The following PKHD1 variants were observed in gnomAD, a reference collection of about 807,000 sequenced individuals.
PKHD1 encodes the protein PKHD1 ciliary IPT domain containing fibrocystin/polyductin, also known as fibrocystin.
In PKHD1, 291 loss-of-function variants were observed where a neutral mutation model predicts 412.0. The observed-to-expected ratio is 0.71, with a 90% CI of 0.64 to 0.78. PKHD1 has a LOEUF of 0.78. Ranked by LOEUF, PKHD1 falls within the 30% of genes least tolerant of loss-of-function variation. The pLI is 0.00. For synonymous variants in PKHD1, 1,777 were observed against 1,821.5 expected (o/e 0.98, Z 0.62); for missense variants, 4,825 against 4,950.7 (o/e 0.97, Z 0.76).
At chr6:51,806,170 A>G (rs916301233) in intron 52 of PKHD1, among the ~76,000 whole-genome samples, 5 of 152,068 alleles carry the variant, frequency 3.3e-5, no homozygotes, top group African/African-American at 1.2e-4. Context: ...ACATGTATAC[A>G]TATGTAACTA....
chr6:51,988,347 C>T (rs886729019), intron 35 of PKHD1, among the ~76,000 whole-genome samples: 2 of 152,122 alleles, frequency 1.3e-5, no homozygotes, highest in African/African-American at 4.8e-5. Context: ...TATAATATCT[C>T]AAACATAATA....
intron 55 of PKHD1, among the ~76,000 whole-genome samples, chr6:51,758,957 T>C (rs754426052): frequency 8.5e-5 from 13 of 152,234 alleles, no homozygotes; most frequent in Non-Finnish European, 1.6e-4. Context: ...ATCTTAATGA[T>C]AATAACTGCA....
intron 36 of PKHD1, among the ~76,000 whole-genome samples, chr6:51,957,953 G>A (rs1791395998): frequency 6.6e-6 from 1 of 152,004 alleles, no homozygotes; most frequent in African/African-American, 2.4e-5. Flanking sequence ...AATATTACAT[G>A]TTACTGCCAG....
At chr6:51,653,103 C>T (rs1230338931) in intron 61 of PKHD1, among the ~76,000 whole-genome samples, 1 of 152,008 alleles carries the variant, frequency 6.6e-6, no homozygotes, top group Non-Finnish European at 1.5e-5. Context: ...TATATGTTAA[C>T]CCTTCTACTA....
At chr6:51,870,393 C>T in intron 47 of PKHD1, 111 bp downstream of exon 47, 1 of 952,886 alleles carries the variant, frequency 1.0e-6, no homozygotes, top group Non-Finnish European at 1.7e-6. Flanking sequence ...TCTACTGATG[C>T]AATCTTATAA....
At chr6:51,898,953 G>A (rs2127599608) in intron 43 of PKHD1, among the ~76,000 whole-genome samples, 1 of 152,206 alleles carries the variant, frequency 6.6e-6, no homozygotes, top group South Asian at 2.1e-4. Flanking sequence ...ACACTCTCCA[G>A]AGACTAAACC....
chr6:51,762,742 G>A (rs1788249660), intron 55 of PKHD1, among the ~76,000 whole-genome samples: 1 of 151,420 alleles, frequency 6.6e-6, no homozygotes, highest in African/African-American at 2.4e-5. Flanking sequence ...CAATATATTA[G>A]AAAGACAAAG....
chr6:51,806,981 C>A (rs966934029), intron 52 of PKHD1, among the ~76,000 whole-genome samples: 1 of 152,156 alleles, frequency 6.6e-6, no homozygotes, highest in Non-Finnish European at 1.5e-5. Flanking sequence ...TAAAGAGGAG[C>A]CTGAGGATAC....
intron 60 of PKHD1, among the ~76,000 whole-genome samples, chr6:51,712,614 G>A (rs1360430119): frequency 6.6e-6 from 1 of 152,108 alleles, no homozygotes; most frequent in African/African-American, 2.4e-5. Context: ...CAAAACATTT[G>A]TAATTAATGC....
intron 36 of PKHD1, among the ~76,000 whole-genome samples, chr6:51,948,211 C>T (rs1204164860): frequency 6.6e-6 from 1 of 152,192 alleles, no homozygotes; most frequent in Non-Finnish European, 1.5e-5. Flanking sequence ...ATTCTCAAAA[C>T]AACACTCAGT....
At chr6:51,870,417 T>C (rs1185192274) in intron 47 of PKHD1, 87 bp downstream of exon 47, 1 of 1,093,360 alleles carries the variant, frequency 9.1e-7, no homozygotes, top group African/African-American at 1.5e-5. Flanking sequence ...AAAGAGATAA[T>C]GATTCACAAA....
chr6:51,718,541 A>G (rs957059386), intron 60 of PKHD1, among the ~76,000 whole-genome samples: 5 of 152,194 alleles, frequency 3.3e-5, no homozygotes, highest in African/African-American at 1.2e-4. Context: ...TTTTCATTGT[A>G]TCTACTTCAA....
chr6:51,657,180 T>C (rs1330971666), intron 61 of PKHD1, among the ~76,000 whole-genome samples: 1 of 151,096 alleles, frequency 6.6e-6, no homozygotes, highest in African/African-American at 2.4e-5. Flanking sequence ...TTAAGGTCAG[T>C]TCATGGGCTC....
At chr6:52,076,252 C>T (rs1389891622) in intron 6 of PKHD1, 24 bp downstream of exon 6, 3 of 1,536,820 alleles carry the variant, frequency 2.0e-6, no homozygotes, top group Non-Finnish European at 2.7e-6. Flanking sequence ...ACAATTATTC[C>T]TATTTTAATA....
chr6:52,045,103 T>C lies in PKHD1; in HGVS notation c.2593-15A>G. 6.2e-7 allele frequency: 1 copy of C among 1,612,932 alleles called. No individual in the cohort carries two copies. Among genetic ancestry groups the C allele is most frequent in the Non-Finnish European group, 8.5e-7 (1 of 1,179,042 alleles). ...TCATCAGAGACCTGAGATGGTTACA[T>C]TTCTGGTAAATTCTGTCATGGAACC... On this transcript the variant is annotated splice_polypyrimidine_tract_variant and intron_variant, in intron 24 of 66. Transcript: ENST00000371117.
chr6:51,868,817 C>T (rs1378759478), intron 47 of PKHD1, among the ~76,000 whole-genome samples: 1 of 151,998 alleles, frequency 6.6e-6, no homozygotes, highest in African/African-American at 2.4e-5. Context: ...AGCTGTAGGG[C>T]CACACTTCTT....
At chr6:51,973,513 C>A (rs1793961792) in intron 35 of PKHD1, among the ~76,000 whole-genome samples, 1 of 152,176 alleles carries the variant, frequency 6.6e-6, no homozygotes, top group Non-Finnish European at 1.5e-5. Context: ...AATCCACAGG[C>A]ACAGTTTTTT....
chr6:51,761,124 C>G (rs767235263), intron 55 of PKHD1, among the ~76,000 whole-genome samples: 21 of 151,986 alleles, frequency 1.4e-4, no homozygotes, highest in African/African-American at 2.2e-4. Context: ...ATTTGCACTC[C>G]CATGTTCACA....
chr6:51,644,891 G>A (rs1294621223), intron 63 of PKHD1, among the ~76,000 whole-genome samples: 1 of 152,148 alleles, frequency 6.6e-6, no homozygotes, highest in Non-Finnish European at 1.5e-5. Flanking sequence ...TGTTGGCCAG[G>A]ATGGTCTTGA....
Sources: allele counts gnomAD v4.1 joint callset (sites outside exome capture counted in the v4.1 genomes callset), GRCh38; gene constraint gnomAD v4.1.1; transcripts MANE v1.5; gene names NCBI Gene and HGNC (gene_info 2026-07-23, HGNC 2026-07-21).